Variants in PPARG observed in about 807,000 individuals in gnomAD.
The protein encoded by PPARG is peroxisome proliferator-activated receptor gamma.
Under a neutral mutation model 39.2 loss-of-function variants are expected in PPARG, and 17 were observed. The ratio of observed to expected loss-of-function variants is 0.43; its 90% CI spans 0.30 to 0.65. PPARG has a LOEUF of 0.65. Ranked by LOEUF, PPARG falls within the 30% of genes least tolerant of loss-of-function variation. The probability of loss-of-function intolerance (pLI) is 0.13; values close to 1 mark genes in which losing one functional copy is unlikely to be tolerated. For synonymous variants in PPARG, 223 were observed against 215.7 expected, an observed-to-expected ratio of 1.03 and a Z score of -0.30; for missense variants, 406 against 585.9, an observed-to-expected ratio of 0.69 and a Z score of 3.17.
In PPARG at chr3:12,381,349, C is replaced by A. The variant is rs1800571; in HGVS notation, c.248C>A (p.Pro83Gln). 11 of 1,613,144 alleles carry A rather than the reference C, an allele frequency of 6.8e-6. No individual in the cohort carries two copies. The highest frequency in any genetic ancestry group is 8.5e-6 in the Non-Finnish European group (10 of 1,179,658). The change falls in exon 4 of 8, where the codon CCA becomes CAA. Residue 83 changes from proline (P) to glutamine (Q), a missense_variant. Pro to Gln is a moderately conservative substitution (Grantham distance 76). Around this residue, in one of 2 missense-constraint regions of PPARG, gnomAD observed 131 missense variants for 127.9 expected, o/e 1.02. Coordinates refer to ENST00000651735, the MANE Select transcript of PPARG (RefSeq NM_138711.6). Reference protein sequence around the residue: ...QSAIKVEPASPPYYSEKTQLY... With the variant: ...QSAIKVEPASQPYYSEKTQLY... ...GCAATCAAAGTGGAGCCTGCATCTCCACCTTATTATTCTGAGAAGACTCAG... is the reference window on the plus strand; with the variant it reads ...GCAATCAAAGTGGAGCCTGCATCTCAACCTTATTATTCTGAGAAGACTCAG...
chr3:12,322,344 T>C (rs1292513335), intron 2 of PPARG, among the ~76,000 whole-genome samples: 2 of 152,376 alleles, frequency 1.3e-5, no homozygotes, highest in Non-Finnish European at 2.9e-5. Flanking sequence ...CAAGTAGTTA[T>C]TGCACTACCT....
chr3:12,312,728 A>G (rs985734495), intron 2 of PPARG, among the ~76,000 whole-genome samples: 2 of 145,562 alleles, frequency 1.4e-5, no homozygotes, highest in African/African-American at 5.0e-5. Context: ...TTTTATATTC[A>G]TGTTATTTTT....
rs2051786832 is a variant in PPARG at position 12,434,300 on chromosome 3, C to G, written c.*155C>G. On this transcript the variant is annotated 3_prime_UTR_variant, in exon 8 of 8. Transcript: ENST00000651735. The surrounding 1 kb of genome is among the most constrained non-coding windows in gnomAD (Gnocchi z 4.2). ...TTTATGCATATTGTTTATAAAGACACATTTACAATTTACTTTTAATATTAA... is the reference window on the plus strand; with the variant it reads ...TTTATGCATATTGTTTATAAAGACAGATTTACAATTTACTTTTAATATTAA... The G allele has an allele frequency of 1.0e-6, 1 of 966,696 alleles. No homozygotes were observed. Among genetic ancestry groups the G allele is most frequent in the Admixed American group, 2.4e-5 (1 of 41,172 alleles). The allele number at this position is 966,696 out of a possible 1,614,324, so 59.9% of individuals were successfully genotyped here.
At chr3:12,424,934 A>G (rs1175543) in intron 7 of PPARG, among the ~76,000 whole-genome samples, 42,594 of 152,154 alleles carry the variant, frequency 0.28, 6,727 homozygotes, top group East Asian at 0.43. Flanking sequence ...TCAGCACACA[A>G]TAAATGCTAA....
intron 2 of PPARG, among the ~76,000 whole-genome samples, chr3:12,379,084 G>T (rs1388288309): frequency 2.6e-5 from 4 of 151,906 alleles, no homozygotes; most frequent in Non-Finnish European, 4.4e-5. Flanking sequence ...TCACCTTACT[G>T]CTACCTCTGC....
At chr3:12,380,803 C>T (rs1313021931) in intron 3 of PPARG, among the ~76,000 whole-genome samples, 1 of 152,164 alleles carries the variant, frequency 6.6e-6, no homozygotes, top group Admixed American at 6.6e-5. Context: ...AAACCACCTC[C>T]TTTGACTGAA....
chr3:12,345,084 GT>G (rs56088907), intron 2 of PPARG, among the ~76,000 whole-genome samples: 36,745 of 151,188 alleles, frequency 0.24, 5,192 homozygotes, highest in Middle Eastern at 0.32. Context: ...GATCCAAGGT[GT>G]TTTTTTTTAG....
chr3:12,402,964 A>G (rs2959271), intron 5 of PPARG, among the ~76,000 whole-genome samples: 103,933 of 152,014 alleles, frequency 0.68, 36,078 homozygotes, highest in African/African-American at 0.8. Context: ...TCTCTAGATG[A>G]CTTATAATAT....
At chr3:12,351,430 T>C in intron 2 of PPARG, 1 of 668,462 alleles carries the variant, frequency 1.5e-6, no homozygotes, top group Non-Finnish European at 2.7e-6. Context: ...CCTTTCTGTG[T>C]TTATTCCCAT....
At chr3:12,371,343 AAG>A (rs1559511821) in intron 2 of PPARG, among the ~76,000 whole-genome samples, 1 of 152,146 alleles carries the variant, frequency 6.6e-6, no homozygotes, top group African/African-American at 2.4e-5. Context: ...AAACGGCACA[AAG>A]CAAGCAAACA....
chr3:12,348,513 A>G (rs956474364), intron 2 of PPARG, among the ~76,000 whole-genome samples: 1 of 152,212 alleles, frequency 6.6e-6, no homozygotes, highest in African/African-American at 2.4e-5. Context: ...CCTCCTCATT[A>G]TAGAATCATT....
At chr3:12,365,316 C>T (rs2048979635) in intron 2 of PPARG, among the ~76,000 whole-genome samples, 1 of 152,188 alleles carries the variant, frequency 6.6e-6, no homozygotes, top group African/African-American at 2.4e-5. Flanking sequence ...GATACATTCT[C>T]CCCATCTGTG....
At chr3:12,314,221 G>A (rs1314840597) in intron 2 of PPARG, among the ~76,000 whole-genome samples, 1 of 152,134 alleles carries the variant, frequency 6.6e-6, no homozygotes, top group African/African-American at 2.4e-5. Flanking sequence ...AGGTTGCAGT[G>A]AGCTGAGATC....
chr3:12,353,952 A>G (rs1424695180), intron 2 of PPARG, among the ~76,000 whole-genome samples: 1 of 152,220 alleles, frequency 6.6e-6, no homozygotes, highest in African/African-American at 2.4e-5. Flanking sequence ...TCGTTGCACC[A>G]GAGCCTTGAA....
chr3:12,346,408 A>G (rs1388499692), intron 2 of PPARG, among the ~76,000 whole-genome samples: 2 of 152,164 alleles, frequency 1.3e-5, no homozygotes, highest in Non-Finnish European at 2.9e-5. Flanking sequence ...CTCAACATTA[A>G]AACTCAAAAA....
intron 2 of PPARG, among the ~76,000 whole-genome samples, chr3:12,354,738 A>G (rs1254212456): frequency 1.4e-5 from 2 of 140,034 alleles, no homozygotes; most frequent in Non-Finnish European, 3.1e-5. Flanking sequence ...TGGGCGACAG[A>G]GCGAGACTCC....
chr3:12,387,934 A>C (rs1335499108), intron 4 of PPARG, among the ~76,000 whole-genome samples: 1 of 152,084 alleles, frequency 6.6e-6, no homozygotes, highest in Admixed American at 6.6e-5. Context: ...TTATCAAAAA[A>C]ACCTTCCTCT....
intron 7 of PPARG, among the ~76,000 whole-genome samples, chr3:12,430,108 C>G (rs1251183667): frequency 6.6e-6 from 1 of 152,230 alleles, no homozygotes; most frequent in Non-Finnish European, 1.5e-5. Context: ...TGAGACCACT[C>G]TGCCATCTCA....
intron 2 of PPARG, chr3:12,371,939 A>G (rs2049230460): frequency 1.4e-6 from 1 of 714,552 alleles, no homozygotes; most frequent in Non-Finnish European, 2.6e-6. Context: ...CTGCAGAGTG[A>G]TCTTGATCTG....
Sources: gnomAD v4.1 joint callset for allele counts (sites outside exome capture counted in the v4.1 genomes callset) on GRCh38, gnomAD v4.1.1 for gene constraint, gnomAD v4.1.1 regional missense constraint, Gnocchi (gnomAD v3.1) non-coding constraint, MANE v1.5 for transcripts, NCBI Gene and HGNC (gene_info 2026-07-23, HGNC 2026-07-21) for gene names.